ZNF831: variants seen among roughly 807,000 people sequenced by gnomAD.
ZNF831 encodes the protein zinc finger protein 831, also known as chromosome 20 open reading frame 174.
A neutral mutation model predicts 95.8 loss-of-function variants in ZNF831; 59 were observed. That is an observed-to-expected ratio of 0.62 (90% CI 0.50 to 0.77). The LOEUF (loss-of-function observed/expected upper bound fraction) is 0.77, where lower values mean the gene tolerates loss of function less well. Among genes scored for constraint, ZNF831 ranks in the 30% least tolerant of loss-of-function variants. The pLI is 0.00. For missense variants in ZNF831, 2,205 were observed against 2,164.0 expected (o/e 1.02, Z -0.38); for synonymous variants, 961 against 925.5 (o/e 1.04, Z -0.70).
intron 1 of ZNF831, among the ~76,000 whole-genome samples, chr20:59,143,067 C>T (rs759291538): frequency 6.6e-6 from 1 of 152,108 alleles, no homozygotes; most frequent in Non-Finnish European, 1.5e-5. Flanking sequence ...ACCTGGCTAA[C>T]TTTTTAATTT....
At chr20:59,226,652 A>G (rs776825049) in intron 4 of ZNF831, among the ~76,000 whole-genome samples, 69 of 150,870 alleles carry the variant, frequency 4.6e-4, no homozygotes, top group Non-Finnish European at 8.8e-5. Context: ...GTAGTTTATT[A>G]ATCTAGTTGC....
chr20:59,148,602 C>T (rs1393498724), intron 2 of ZNF831, among the ~76,000 whole-genome samples: 2 of 125,182 alleles, frequency 1.6e-5, no homozygotes, highest in Non-Finnish European at 3.3e-5. Flanking sequence ...ATGGCGTGAA[C>T]CCGGGAGGTG....
rs1456475640 is a variant in ZNF831, at chr20:59,172,135, G to A, written c.-37+7928G>A. Among the ~76,000 whole-genome samples the A allele has an allele frequency of 4.6e-5, 7 of 152,236 alleles. No homozygotes were observed. The South Asian group carries it at 6.2e-4, about 14-fold the overall frequency. On this transcript the variant is annotated intron_variant, in intron 1 of 5. Coordinates refer to ENST00000371030, the MANE Select transcript of ZNF831 (RefSeq NM_178457.3). ...AGTCTCCATTTGATGACTGAGTCACGTTACTTGCCACCACACTTAGGACTT... is the reference window on the plus strand; with the variant it reads ...AGTCTCCATTTGATGACTGAGTCACATTACTTGCCACCACACTTAGGACTT...
chr20:59,191,394 G>A lies in ZNF831; in HGVS notation c.375G>A (p.Ser125=), dbSNP rs756321769. ...TCGTGGGCACTCTGCCTGTCCTGTCGCCGGGCCTGGGCCCCACGCTGGGCA... is the reference window on the plus strand; with the variant it reads ...TCGTGGGCACTCTGCCTGTCCTGTCACCGGGCCTGGGCCCCACGCTGGGCA... ...VNIVGTLPVL[S]PGLGPTLGSP... The change falls in exon 2 of 6, where the codon TCG becomes TCA. Residue 125 remains serine, a synonymous_variant. Coordinates refer to ENST00000371030, the MANE Select transcript of ZNF831 (RefSeq NM_178457.3). 12 of 1,609,544 alleles carry A rather than the reference G, an allele frequency of 7.5e-6. No homozygotes were observed. The Admixed American group carries it at 1.7e-4, about 22-fold the overall frequency.
chr20:59,193,287 A>C lies in ZNF831; in HGVS notation c.2268A>C (p.Glu756Asp), dbSNP rs2146580452. The C allele has an allele frequency of 6.2e-7, 1 of 1,611,172 alleles. No individual in the cohort carries two copies. The highest frequency in any genetic ancestry group is 8.5e-7 in the Non-Finnish European group (1 of 1,178,788). ...SPLVSPNGRL[E>D]LGWQMPPAPG... ...TGGTCTCTCCAAATGGGAGGCTGGAACTGGGGTGGCAGATGCCCCCAGCAC... is the reference window on the plus strand; with the variant it reads ...TGGTCTCTCCAAATGGGAGGCTGGACCTGGGGTGGCAGATGCCCCCAGCAC... The change falls in exon 2 of 6, where the codon GAA becomes GAC. Residue 756 changes from glutamate to aspartate, a missense_variant. Transcript: ENST00000371030.
At chr20:59,240,882 G>T (rs984245036) in intron 4 of ZNF831, among the ~76,000 whole-genome samples, 14 of 151,996 alleles carry the variant, frequency 9.2e-5, no homozygotes, top group Admixed American at 8.5e-4. Flanking sequence ...TTTCCTAAAT[G>T]TTGCTTTTGT....
intron 1 of ZNF831, among the ~76,000 whole-genome samples, chr20:59,190,192 C>T (rs1983394707): frequency 6.6e-6 from 1 of 152,154 alleles, no homozygotes; most frequent in Non-Finnish European, 1.5e-5. Context: ...AGGAAGTGCT[C>T]CTTTTCCTAG....
At chr20:59,198,925 A>T (rs550641664) in intron 3 of ZNF831, among the ~76,000 whole-genome samples, 1 of 152,084 alleles carries the variant, frequency 6.6e-6, no homozygotes, top group African/African-American at 2.4e-5. Context: ...CATCAGCACC[A>T]TGAGGGCATG....
chr20:59,194,307 C>T lies in ZNF831; in HGVS notation c.3288C>T (p.Pro1096=), dbSNP rs754262655. Residue 1096 remains proline (P), a synonymous_variant, in exon 2 of 6, where the codon CCC becomes CCT. Transcript: ENST00000371030. ...GGCTCTCTGGGGATGTCCTGAATCC[C>T]TGGGTACCCAACTGGGAGCTGGGGG... ...RARLSGDVLN[P]WVPNWELGEP... 6.2e-7 allele frequency: 1 copy of T among 1,613,946 alleles called. No individual in the cohort carries two copies. Among genetic ancestry groups the T allele is most frequent in the South Asian group, 1.1e-5 (1 of 91,090 alleles).
chr20:59,153,537 G>A (rs567060603), intron 2 of ZNF831, among the ~76,000 whole-genome samples: 4 of 152,316 alleles, frequency 2.6e-5, no homozygotes, highest in Admixed American at 2.0e-4. Context: ...TGGCAGCCTG[G>A]GTGCCCCGCT....
chr20:59,242,953 G>T (rs919807121), intron 4 of ZNF831, among the ~76,000 whole-genome samples: 6 of 152,136 alleles, frequency 3.9e-5, no homozygotes, highest in African/African-American at 1.2e-4. Flanking sequence ...CTCCTCTGTG[G>T]CATTTACCAC....
chr20:59,229,439 A>C (rs1349107912), intron 4 of ZNF831, among the ~76,000 whole-genome samples: 2 of 152,206 alleles, frequency 1.3e-5, no homozygotes, highest in Non-Finnish European at 2.9e-5. Flanking sequence ...TGGGAAAATC[A>C]GCCCCACCTC....
Position 59,254,019 on chromosome 20 carries a change from C to T in ZNF831, c.4310C>T (p.Pro1437Leu), listed in dbSNP as rs758627571. 1.1e-5 allele frequency: 17 copies of T among 1,614,002 alleles called. No individual in the cohort carries two copies. The highest frequency in any genetic ancestry group is 1.4e-5 in the Non-Finnish European group (17 of 1,180,022). Residue 1437 changes from proline to leucine, a missense_variant, in exon 6 of 6, where the codon CCT (proline) becomes CTT (leucine). Coordinates refer to ENST00000371030, the MANE Select transcript of ZNF831 (RefSeq NM_178457.3). This position sits in a 1 kb window ranked among gnomAD's most constrained non-coding sequence, Gnocchi z 4.5. ...GTGGTTAATGACGTGCCTCTACCCCCTGGCAAAGGTCTTGACCTTGGGTTG... is the reference window on the plus strand; with the variant it reads ...GTGGTTAATGACGTGCCTCTACCCCTTGGCAAAGGTCTTGACCTTGGGTTG... ...LAVVNDVPLP[P>L]GKGLDLGLLE...
chr20:59,182,193 G>A (rs1237560137), intron 1 of ZNF831, among the ~76,000 whole-genome samples: 1 of 151,802 alleles, frequency 6.6e-6, no homozygotes, highest in Non-Finnish European at 1.5e-5. Flanking sequence ...GCCTGGACAT[G>A]GTGTCACATA....
intron 1 of ZNF831, among the ~76,000 whole-genome samples, chr20:59,187,277 T>G (rs1420113933): frequency 6.6e-6 from 1 of 151,942 alleles, no homozygotes; most frequent in African/African-American, 2.4e-5. Context: ...TATTAGGAGG[T>G]GGGTCCTTTG....
rs888448946 is a variant in ZNF831 at position 59,191,229 on chromosome 20, C to T, written c.210C>T (p.Gly70=). Residue 70 remains glycine (G), a synonymous_variant, in exon 2 of 6, where the codon GGC becomes GGT. Coordinates refer to ENST00000371030, the MANE Select transcript of ZNF831 (RefSeq NM_178457.3). ...TGTACCACACGGTGCCTCCCGGGGG[C>T]CTCCAGCCCCGCGCCCCGCTAGTGA... ...IPLYHTVPPG[G]LQPRAPLVTG... The T allele has an allele frequency of 1.3e-6, 2 of 1,550,366 alleles. No individual in the cohort carries two copies. The highest frequency in any genetic ancestry group is 1.7e-6 in the Non-Finnish European group (2 of 1,149,436).
intron 4 of ZNF831, among the ~76,000 whole-genome samples, chr20:59,242,432 AATT>A (rs561949905): frequency 1.8e-3 from 278 of 152,314 alleles, no homozygotes; most frequent in African/African-American, 6.2e-3. Context: ...TATTTTCACT[AATT>A]ATATTTTTTC....
chr20:59,155,525 T>G (rs1197759462), intron 2 of ZNF831, among the ~76,000 whole-genome samples: 1 of 152,164 alleles, frequency 6.6e-6, no homozygotes, highest in Admixed American at 6.5e-5. Context: ...TCTGTGATCT[T>G]TAGAATGAGG....
intron 2 of ZNF831, among the ~76,000 whole-genome samples, chr20:59,147,672 A>AT (rs1233700351): frequency 1.1e-4 from 16 of 152,252 alleles, no homozygotes; most frequent in Non-Finnish European, 2.1e-4. Flanking sequence ...AACAAGGCTG[A>AT]TTTTGACTAA....
Sources: gnomAD v4.1 joint callset for allele counts (sites outside exome capture counted in the v4.1 genomes callset) on GRCh38, gnomAD v4.1.1 for gene constraint, Gnocchi (gnomAD v3.1) non-coding constraint, MANE v1.5 for transcripts, NCBI Gene and HGNC (gene_info 2026-07-23, HGNC 2026-07-21) for gene names.